Variants in GSE1 observed in about 807,000 individuals in gnomAD.
GSE1 encodes Gse1 coiled-coil protein, also known as genetic suppressor element 1.
In GSE1, 32 loss-of-function variants were observed where a neutral mutation model predicts 112.6. The observed-to-expected ratio is 0.28, with a 90% CI of 0.21 to 0.38. The LOEUF (loss-of-function observed/expected upper bound fraction) is 0.38. GSE1 is among the 10% of genes least tolerant of loss of function. The pLI is 1.00. For synonymous variants in GSE1, 1,115 were observed against 735.6 expected, an observed-to-expected ratio of 1.52 and a Z score of -8.35; for missense variants, 2,348 against 1,699.2, an observed-to-expected ratio of 1.38 and a Z score of -6.71.
At chr16:85,381,810 G>A (rs529826726) in intron 2 of GSE1, among the ~76,000 whole-genome samples, 4 of 152,322 alleles carry the variant, frequency 2.6e-5, no homozygotes, top group Admixed American at 2.0e-4. Flanking sequence ...TGACCCTGAG[G>A]CCGGTGCATC....
intron 1 of GSE1, among the ~76,000 whole-genome samples, chr16:85,343,403 G>A (rs1006196385): frequency 1.6e-4 from 25 of 152,166 alleles, no homozygotes; most frequent in Non-Finnish European, 3.1e-4. Flanking sequence ...GAAGGGTGTC[G>A]GGGATGGCTC....
chr16:85,438,695 CTGCT>C (rs1186362483), intron 2 of GSE1, among the ~76,000 whole-genome samples: 1 of 152,218 alleles, frequency 6.6e-6, no homozygotes, highest in Non-Finnish European at 1.5e-5. Context: ...TTTTGAATGA[CTGCT>C]TGAGCGAGTG....
chr16:85,557,497 C>T (rs958087844), intron 1 of GSE1, among the ~76,000 whole-genome samples: 1 of 151,738 alleles, frequency 6.6e-6, no homozygotes, highest in African/African-American at 2.4e-5. Flanking sequence ...CTGCAGAAGA[C>T]GCTGCCCTGG....
chr16:85,454,962 T>A (rs1432673426), intron 2 of GSE1, among the ~76,000 whole-genome samples: 1 of 152,156 alleles, frequency 6.6e-6, no homozygotes, highest in Non-Finnish European at 1.5e-5. Flanking sequence ...TATGGACAGA[T>A]CTTTCTGGAG....
chr16:85,644,515 A>G (rs929725900), intron 2 of GSE1, among the ~76,000 whole-genome samples: 47 of 152,288 alleles, frequency 3.1e-4, no homozygotes, highest in African/African-American at 1.1e-3. Context: ...AGGTGCTGCA[A>G]TGTGGATGAA....
At chr16:85,591,608 C>G (rs2151435720) in intron 1 of GSE1, among the ~76,000 whole-genome samples, 1 of 152,350 alleles carries the variant, frequency 6.6e-6, no homozygotes, top group East Asian at 1.9e-4. Context: ...TCCCCTCTGA[C>G]CCTGAGATGG....
intron 1 of GSE1, among the ~76,000 whole-genome samples, chr16:85,570,025 A>G (rs1010196950): frequency 6.6e-6 from 1 of 152,228 alleles, no homozygotes; most frequent in Admixed American, 6.5e-5. Context: ...GATTAGAGCC[A>G]AGATACAGTT....
intron 1 of GSE1, among the ~76,000 whole-genome samples, chr16:85,335,485 C>G (rs2046463499): frequency 6.6e-6 from 1 of 151,392 alleles, no homozygotes; most frequent in Non-Finnish European, 1.5e-5. Context: ...TGCGGGCTGG[C>G]AGGAGGCGGA....
chr16:85,199,942 G>A lies in GSE1; in HGVS notation c.2283+28135G>A, dbSNP rs142942169. Among the ~76,000 whole-genome samples the A allele has an allele frequency of 1.1e-4, 16 of 152,160 alleles. No homozygotes were observed. The East Asian group carries it at 3.1e-3, about 29-fold the overall frequency. On this transcript the variant is annotated intron_variant, in intron 1 of 2. Transcript: ENST00000637419. ...CCACTGTGGGATGTGGAGGACGAGGGGGACACATGAAACTCCTAGGCCAGA... is the reference window on the plus strand; with the variant it reads ...CCACTGTGGGATGTGGAGGACGAGGAGGACACATGAAACTCCTAGGCCAGA...
At chr16:85,527,557 TC>T (rs1349493951) in intron 2 of GSE1, among the ~76,000 whole-genome samples, 3 of 152,254 alleles carry the variant, frequency 2.0e-5, no homozygotes, top group African/African-American at 4.8e-5. Context: ...GGCGGTTACT[TC>T]CTACGCACCC....
intron 1 of GSE1, among the ~76,000 whole-genome samples, chr16:85,628,165 C>T (rs1567676751): frequency 6.6e-6 from 1 of 152,350 alleles, no homozygotes. Context: ...CCGGCTGCTG[C>T]GGCCCCCGCC....
chr16:85,396,609 TTCC>T (rs750107463), intron 2 of GSE1, among the ~76,000 whole-genome samples: 2 of 152,176 alleles, frequency 1.3e-5, no homozygotes, highest in Non-Finnish European at 2.9e-5. Flanking sequence ...AACGGGCAGC[TTCC>T]TCCTCCCTCC....
At chr16:85,573,565 C>T (rs564402143) in intron 1 of GSE1, among the ~76,000 whole-genome samples, 2 of 152,296 alleles carry the variant, frequency 1.3e-5, no homozygotes, top group African/African-American at 4.8e-5. Flanking sequence ...TCAGTTTTCC[C>T]AGCTGTGAAG....
At chr16:85,289,420 T>G (rs900631990) in intron 1 of GSE1, among the ~76,000 whole-genome samples, 2 of 152,212 alleles carry the variant, frequency 1.3e-5, no homozygotes, top group African/African-American at 2.4e-5. Context: ...CAGGCCTTGC[T>G]TCGTGTCCCC....
At chr16:85,467,059 TAAAA>T (rs975875321) in intron 2 of GSE1, among the ~76,000 whole-genome samples, 1 of 152,042 alleles carries the variant, frequency 6.6e-6, no homozygotes, top group Non-Finnish European at 1.5e-5. Flanking sequence ...TAAAAATAAA[TAAAA>T]AGGAAGAGGC....
chr16:85,468,887 G>A (rs1024228835), intron 2 of GSE1, among the ~76,000 whole-genome samples: 1 of 152,232 alleles, frequency 6.6e-6, no homozygotes, highest in African/African-American at 2.4e-5. Flanking sequence ...ACCTCAGAAT[G>A]TGAACTTATT....
At position 85,668,430 on chromosome 16, in the gene GSE1, G is replaced by GGGGTGC; in HGVS notation, c.3415+7_3415+12dup. On this transcript the variant is annotated splice_region_variant and intron_variant, in intron 14 of 15. Coordinates refer to ENST00000253458, the MANE Select transcript of GSE1 (RefSeq NM_014615.5). Reference sequence around the variant, plus strand: ...TTACCAGGAACACATAGAAGGTAAGGGGGTGCTGGGGAAGAGGGGGGAGGG... The same window carrying GGGGTGC: ...TTACCAGGAACACATAGAAGGTAAGGGGGTGCGGGTGCTGGGGAAGAGGGGGGAGGG... 1 of 1,581,688 alleles carries GGGGTGC rather than the reference G, an allele frequency of 6.3e-7. No homozygotes were observed. The highest frequency in any genetic ancestry group is 8.6e-7 in the Non-Finnish European group (1 of 1,162,872).
intron 2 of GSE1, among the ~76,000 whole-genome samples, chr16:85,361,080 C>G (rs1446437844): frequency 6.6e-6 from 1 of 151,644 alleles, no homozygotes; most frequent in African/African-American, 2.4e-5. Flanking sequence ...ACAGAGTACC[C>G]CCACAAACAC....
At chr16:85,215,101 A>C (rs2075286910) in intron 1 of GSE1, among the ~76,000 whole-genome samples, 1 of 152,174 alleles carries the variant, frequency 6.6e-6, no homozygotes, top group African/African-American at 2.4e-5. Context: ...GGCTACACAG[A>C]CATGGGATTG....
Sources: gnomAD v4.1 joint callset for allele counts (sites outside exome capture counted in the v4.1 genomes callset) on GRCh38, gnomAD v4.1.1 for gene constraint, MANE v1.5 for transcripts, NCBI Gene and HGNC (gene_info 2026-07-23, HGNC 2026-07-21) for gene names.